Variants in SHTN1 observed in about 807,000 individuals in gnomAD.
The protein encoded by SHTN1 is shootin 1, also known as shootin-1.
In SHTN1, 42 loss-of-function variants were observed where a neutral mutation model predicts 83.1. That is an observed-to-expected ratio of 0.51 (90% CI 0.39 to 0.65). The LOEUF (loss-of-function observed/expected upper bound fraction) is 0.65, where lower values mean the gene tolerates loss of function less well. SHTN1 is among the 30% of genes least tolerant of loss of function. SHTN1 has a pLI of 0.00. For synonymous variants in SHTN1, 224 were observed against 247.7 expected, an observed-to-expected ratio of 0.90 and a Z score of 0.90; for missense variants, 622 against 737.8, an observed-to-expected ratio of 0.84 and a Z score of 1.82.
chr10:117,055,949 TA>T (rs1251127210), intron 1 of SHTN1, among the ~76,000 whole-genome samples: 9 of 152,118 alleles, frequency 5.9e-5, no homozygotes, highest in Non-Finnish European at 1.3e-4. Context: ...CCAAAAGAGA[TA>T]ATATGGGAAT....
At chr10:116,955,644 C>T (rs554278781) in intron 4 of SHTN1, among the ~76,000 whole-genome samples, 9 of 152,288 alleles carry the variant, frequency 5.9e-5, no homozygotes, top group African/African-American at 1.4e-4. Context: ...GCCCAGCCCA[C>T]TTTAATCTGG....
chr10:116,886,671 T>C, intron 16 of SHTN1, 105 bp from the exon 17 acceptor site: 1 of 1,483,702 alleles, frequency 6.7e-7, no homozygotes, highest in East Asian at 2.3e-5. Context: ...ATGTTCTAAG[T>C]CTAATCAACA....
At chr10:117,035,305 C>T (rs756338746) in intron 2 of SHTN1, among the ~76,000 whole-genome samples, 5 of 152,138 alleles carry the variant, frequency 3.3e-5, no homozygotes, top group Non-Finnish European at 4.4e-5. Context: ...AAACTAGACC[C>T]TTATCTCTCT....
intron 2 of SHTN1, among the ~76,000 whole-genome samples, chr10:117,020,514 A>AAC (rs1564932804): frequency 7.4e-5 from 11 of 147,950 alleles, no homozygotes; most frequent in Non-Finnish European, 1.2e-4. Flanking sequence ...AAAAAAAAAA[A>AAC]CCCACACTTA....
chr10:117,054,816 T>C (rs943269083), intron 1 of SHTN1, among the ~76,000 whole-genome samples: 1 of 152,156 alleles, frequency 6.6e-6, no homozygotes, highest in Non-Finnish European at 1.5e-5. Flanking sequence ...CTATAGCGTG[T>C]AAGACTCCGC....
At chr10:117,054,279 T>C (rs1852794381) in intron 1 of SHTN1, among the ~76,000 whole-genome samples, 1 of 152,268 alleles carries the variant, frequency 6.6e-6, no homozygotes, top group African/African-American at 2.4e-5. Flanking sequence ...TGATTCTTTA[T>C]GGCAATAAGA....
chr10:117,050,320 C>T (rs1407216524), intron 1 of SHTN1, among the ~76,000 whole-genome samples: 1 of 152,042 alleles, frequency 6.6e-6, no homozygotes, highest in Admixed American at 6.6e-5. Flanking sequence ...GAAGATTTCA[C>T]TACAGCCATT....
At chr10:117,076,182 CAAAAAA>C (rs10595400) in intron 1 of SHTN1, among the ~76,000 whole-genome samples, 2 of 99,444 alleles carry the variant, frequency 2.0e-5, no homozygotes, top group African/African-American at 3.5e-5. Flanking sequence ...GACCCTGTCT[CAAAAAA>C]AAAAAAAAAA....
chr10:117,051,626 A>G (rs1852742139), intron 1 of SHTN1, among the ~76,000 whole-genome samples: 1 of 152,036 alleles, frequency 6.6e-6, no homozygotes, highest in Non-Finnish European at 1.5e-5. Context: ...TACAATCAAT[A>G]TAATATACCA....
chr10:117,031,600 G>A lies in SHTN1; in HGVS notation c.-123+16845C>T, dbSNP rs955021825. Among the ~76,000 whole-genome samples the A allele has an allele frequency of 2.6e-5, 4 of 152,098 alleles. No individual in the cohort carries two copies. The East Asian group carries it at 7.7e-4, about 29-fold the overall frequency. On this transcript the variant is annotated intron_variant, in intron 2 of 17. Transcript: ENST00000392901. ...TAGAAAGAGCAAAAAGTTTAAAAGA[G>A]GGGGATAGAGTCTGTAGTTTCTTTT...
chr10:116,997,080 A>G (rs1248974019), intron 1 of SHTN1, among the ~76,000 whole-genome samples: 1 of 152,206 alleles, frequency 6.6e-6, no homozygotes, highest in Non-Finnish European at 1.5e-5. Flanking sequence ...CAAAGACAAG[A>G]GGTCTATCTT....
intron 8 of SHTN1, among the ~76,000 whole-genome samples, chr10:116,943,881 C>A (rs537665386): frequency 2.0e-5 from 3 of 152,132 alleles, no homozygotes; most frequent in African/African-American, 4.8e-5. Context: ...CATTGCAGAC[C>A]AGCTTTTGAG....
In SHTN1 at chr10:117,005,007, C is replaced by T; in HGVS notation, c.58+15G>A. ...GGCCGCGGCTGCCCACACCTGGCGC[C>T]CGCGTGCTGCCTACCTTGCTCCTTC... is the stretch of plus-strand genomic sequence containing the variant. On this transcript the variant is annotated intron_variant, in intron 1 of 16. Coordinates refer to ENST00000355371, the MANE Select transcript of SHTN1 (RefSeq NM_001127211.3). The T allele has an allele frequency of 6.3e-7, 1 of 1,585,712 alleles. No homozygotes were observed. Among genetic ancestry groups the T allele is most frequent in the Non-Finnish European group, 8.6e-7 (1 of 1,166,444 alleles).
intron 1 of SHTN1, among the ~76,000 whole-genome samples, chr10:117,000,684 G>A (rs1428926328): frequency 6.6e-6 from 1 of 152,184 alleles, no homozygotes; most frequent in Non-Finnish European, 1.5e-5. Flanking sequence ...TGCCCGGTCA[G>A]CATCCTCATG....
chr10:117,117,803 C>T lies in SHTN1; in HGVS notation c.-189+8504G>A, dbSNP rs186597055. Among the ~76,000 whole-genome samples, 91 of 152,238 alleles carry T rather than the reference C, an allele frequency of 6.0e-4. 1 individual carries two copies. The East Asian group carries it at 0.015, about 25-fold the overall frequency. On this transcript the variant is annotated intron_variant, in intron 1 of 17. Transcript: ENST00000392901. ...ACATACACTGAAGAAAGGACAGTCT[C>T]TTCAATAAACAGTGCTGGGGAAATT...
intron 15 of SHTN1, among the ~76,000 whole-genome samples, chr10:116,905,592 T>G (rs984544793): frequency 3.9e-5 from 6 of 152,198 alleles, no homozygotes; most frequent in Admixed American, 3.9e-4. Flanking sequence ...ATTGTCTGAG[T>G]AAATCTCTCT....
chr10:117,119,672 C>T (rs1028755363), intron 1 of SHTN1, among the ~76,000 whole-genome samples: 1 of 151,978 alleles, frequency 6.6e-6, no homozygotes, highest in Admixed American at 6.6e-5. Context: ...GGGAATACAC[C>T]CAAAAGAAAA....
chr10:117,073,494 C>T (rs552204785), intron 1 of SHTN1, among the ~76,000 whole-genome samples: 1 of 152,130 alleles, frequency 6.6e-6, no homozygotes, highest in South Asian at 2.1e-4. Context: ...CACTTAACTA[C>T]CATATTATAG....
chr10:117,058,898 A>G (rs1190603408), intron 1 of SHTN1, among the ~76,000 whole-genome samples: 1 of 152,202 alleles, frequency 6.6e-6, no homozygotes, highest in Non-Finnish European at 1.5e-5. Context: ...CACAAAACAA[A>G]AATATTATTC....
Sources: allele counts gnomAD v4.1 joint callset (sites outside exome capture counted in the v4.1 genomes callset), GRCh38; gene constraint gnomAD v4.1.1; transcripts MANE v1.5; gene names NCBI Gene and HGNC (gene_info 2026-07-23, HGNC 2026-07-21).